SDK2: variants seen among roughly 807,000 people sequenced by gnomAD.
The protein encoded by SDK2 is sidekick cell adhesion molecule 2, also known as protein sidekick-2.
A neutral mutation model predicts 253.9 loss-of-function variants in SDK2; 105 were observed. The observed-to-expected ratio is 0.41, with a 90% CI of 0.35 to 0.49. The LOEUF (loss-of-function observed/expected upper bound fraction) is 0.49. Ranked by LOEUF, SDK2 falls within the 20% of genes least tolerant of loss-of-function variation. SDK2 has a pLI of 0.06. For synonymous variants in SDK2, 1,249 were observed against 1,234.9 expected (o/e 1.01, Z -0.24); for missense variants, 2,608 against 3,003.0 (o/e 0.87, Z 3.07).
At chr17:73,339,627 C>G (rs1440082827) in intron 44 of SDK2, among the ~76,000 whole-genome samples, 1 of 151,158 alleles carries the variant, frequency 6.6e-6, no homozygotes, top group Non-Finnish European at 1.5e-5. Context: ...GTGTGATCCT[C>G]TCTGTAGCCT....
In SDK2 at chr17:73,534,274, C is replaced by T. The variant is rs529740567; in HGVS notation, c.65-26677G>A. 1.8e-4 allele frequency among the ~76,000 whole-genome samples: 27 copies of T among 152,300 alleles called. No individual in the cohort carries two copies. The South Asian group carries it at 4.6e-3, about 26-fold the overall frequency. On this transcript the variant is annotated intron_variant, in intron 1 of 44. Coordinates refer to ENST00000392650, the MANE Select transcript of SDK2 (RefSeq NM_001144952.2). The surrounding 1 kb of genome is among the most constrained non-coding windows in gnomAD (Gnocchi z 4.9). ...GAGGATCAAAAAGCAGATGCAAGAGCGGGTCCGCTGCTGGGGGAAGGGGAG... is the reference window on the plus strand; with the variant it reads ...GAGGATCAAAAAGCAGATGCAAGAGTGGGTCCGCTGCTGGGGGAAGGGGAG...
At chr17:73,522,017 A>C (rs2145787492) in intron 1 of SDK2, among the ~76,000 whole-genome samples, 1 of 152,312 alleles carries the variant, frequency 6.6e-6, no homozygotes, top group East Asian at 1.9e-4. Context: ...TCACGGCCTC[A>C]CTTTACAGAG....
chr17:73,349,181 G>T (rs1249101688), intron 43 of SDK2, among the ~76,000 whole-genome samples: 2 of 152,162 alleles, frequency 1.3e-5, no homozygotes, highest in African/African-American at 4.8e-5. Flanking sequence ...CCAGCCTGGC[G>T]GGGCTGCTAT....
chr17:73,352,765 C>A lies in SDK2; in HGVS notation c.5594-128G>T, dbSNP rs1599475207. On this transcript the variant is annotated intron_variant, in intron 40 of 44. Coordinates refer to ENST00000392650, the MANE Select transcript of SDK2 (RefSeq NM_001144952.2). The surrounding 1 kb of genome is among the most constrained non-coding windows in gnomAD (Gnocchi z 4.1). ...ATCCTCCCTGCTCCACACTGAATCG[C>A]AGGCCTTGGTCCTCCCTTGAAGTTT... is the stretch of plus-strand genomic sequence containing the variant. 1 of 945,874 alleles carries A rather than the reference C, an allele frequency of 1.1e-6. No homozygotes were observed. Among genetic ancestry groups the A allele is most frequent in the East Asian group, 2.6e-5 (1 of 38,004 alleles). 58.6% of individuals were successfully genotyped at this position (945,874 alleles called of 1,614,324 possible). A position where few individuals can be genotyped will look rare whatever the true frequency, so the allele number is the denominator to read the frequency against.
Position 73,388,897 on chromosome 17 carries a change from C to CCTTT in SDK2, c.4193-861_4193-860insAAAG, listed in dbSNP as rs771455879. 1.0e-3 allele frequency among the ~76,000 whole-genome samples: 91 copies of CCTTT among 90,796 alleles called. 5 individuals carry two copies. In the East Asian group the frequency reaches 0.027, roughly 27 times the overall value. The allele number at this position is 90,796 out of a possible 152,430, so 59.6% of individuals were successfully genotyped here. ...TCCCTCCTTCTCTTCCTTCTCCCTC[C>CCTTT]CTCCCTCCCTCCCTCCCTTTTTCCC... On this transcript the variant is annotated intron_variant, in intron 29 of 44. Transcript: ENST00000392650.
At position 73,352,424 on chromosome 17, in the gene SDK2, C is replaced by T; in HGVS notation, c.5758+49G>A. On this transcript the variant is annotated intron_variant, in intron 41 of 44. Coordinates refer to ENST00000392650, the MANE Select transcript of SDK2 (RefSeq NM_001144952.2). This position sits in a 1 kb window ranked among gnomAD's most constrained non-coding sequence, Gnocchi z 4.1. ...TTCCGCCCTGCCCAGTGTCAGCCCC[C>T]AGGCTCTGCTGTGGGGCTCCCCCAC... 2 of 1,573,416 alleles carry T rather than the reference C, an allele frequency of 1.3e-6. No individual in the cohort carries two copies. Among genetic ancestry groups the T allele is most frequent in the Non-Finnish European group, 1.7e-6 (2 of 1,158,522 alleles).
At chr17:73,508,316 A>G (rs1334056597) in intron 1 of SDK2, among the ~76,000 whole-genome samples, 1 of 152,242 alleles carries the variant, frequency 6.6e-6, no homozygotes, top group Admixed American at 6.5e-5. Context: ...GGTTCTCTCG[A>G]CAGAGACCGT....
At chr17:73,380,269 T>C (rs542916443) in intron 34 of SDK2, among the ~76,000 whole-genome samples, 25 of 152,092 alleles carry the variant, frequency 1.6e-4, no homozygotes, top group Non-Finnish European at 3.2e-4. Flanking sequence ...GGGTTGGTCA[T>C]TGGTTGACGG....
chr17:73,436,576 C>CAAAAA (rs56089526), intron 8 of SDK2, among the ~76,000 whole-genome samples: 1 of 38,840 alleles, frequency 2.6e-5, no homozygotes. Context: ...GACTCAGTCT[C>CAAAAA]AAAAAAAAAA....
rs560655182 is a variant in SDK2, at chr17:73,444,686, C to T, written c.613+2929G>A. ...ACCATGTGACCCACCTGTGCCACCT[C>T]ATTTAGTCCTCCCAACTTTGCCATA... is the stretch of plus-strand genomic sequence containing the variant. On this transcript the variant is annotated intron_variant, in intron 5 of 44. Transcript: ENST00000392650. 8.5e-5 allele frequency among the ~76,000 whole-genome samples: 13 copies of T among 152,312 alleles called. No homozygotes were observed. In the South Asian group the frequency reaches 2.7e-3, roughly 32 times the overall value.
At chr17:73,386,676 G>A in intron 30 of SDK2, 128 bp from the exon 31 acceptor site, 1 of 662,260 alleles carries the variant, frequency 1.5e-6, no homozygotes, top group Non-Finnish European at 2.7e-6. Flanking sequence ...CTACTACACA[G>A]AAGGGCACAC....
chr17:73,577,656 C>T (rs1455785411), intron 1 of SDK2, among the ~76,000 whole-genome samples: 2 of 152,170 alleles, frequency 1.3e-5, no homozygotes, highest in African/African-American at 4.8e-5. Flanking sequence ...ACCATCTCTA[C>T]CTGGGCGTGA....
intron 1 of SDK2, among the ~76,000 whole-genome samples, chr17:73,509,578 C>A (rs2063961937): frequency 6.7e-6 from 1 of 149,910 alleles, no homozygotes; most frequent in South Asian, 2.1e-4. Context: ...TCGCTTGAGG[C>A]CAGGAGTTCA....
chr17:73,419,879 C>CA (rs869121884), intron 15 of SDK2, among the ~76,000 whole-genome samples: 4,177 of 122,742 alleles, frequency 0.034, 118 homozygotes, highest in African/African-American at 0.085. Context: ...GACCCTGTCT[C>CA]AAAAAAAAAA....
In SDK2 at chr17:73,368,562, A is replaced by G. The variant is rs1382272633; in HGVS notation, c.5012T>C (p.Leu1671Pro). ...GAAAAGCGTCTTCACTCGCTCTGTG[A>G]GGTTCCCCCGCTGGGCTTCCCAGAA... ...IYFWEAQRGN[L>P]TERVKTLFLA... Residue 1671 changes from leucine (L) to proline (P), a missense_variant, in exon 37 of 45, where the codon CTC becomes CCC. This residue lies in a region of SDK2 where 1,103 missense variants were observed against 1,143.9 expected (regional missense o/e 0.96). Coordinates refer to ENST00000392650, the MANE Select transcript of SDK2 (RefSeq NM_001144952.2). 6.2e-7 allele frequency: 1 copy of G among 1,600,930 alleles called. No individual in the cohort carries two copies. Among genetic ancestry groups the G allele is most frequent in the Non-Finnish European group, 8.5e-7 (1 of 1,174,416 alleles).
At chr17:73,582,209 A>G (rs567662421) in intron 1 of SDK2, among the ~76,000 whole-genome samples, 1 of 132,046 alleles carries the variant, frequency 7.6e-6, no homozygotes, top group South Asian at 2.3e-4. Context: ...CGCAGGCATC[A>G]GCATTTGGGG....
At position 73,383,832 on chromosome 17, in the gene SDK2, C is replaced by T. The variant is rs140290310; in HGVS notation, c.4705+44G>A. Reference sequence around the variant, plus strand: ...TCCAGAGCGGGAAGGTGAGGGTGACCGCCCCCATCCCACCCATTCCTCTGG... The same window carrying T: ...TCCAGAGCGGGAAGGTGAGGGTGACTGCCCCCATCCCACCCATTCCTCTGG... On this transcript the variant is annotated intron_variant, in intron 33 of 44. Coordinates refer to ENST00000392650, the MANE Select transcript of SDK2 (RefSeq NM_001144952.2). The surrounding 1 kb of genome is among the most constrained non-coding windows in gnomAD (Gnocchi z 4.3). 1,078 of 1,606,916 alleles carry T rather than the reference C, an allele frequency of 6.7e-4. 10 individuals are homozygous for T. The African/African-American group carries it at 0.013, about 19-fold the overall frequency.
Position 73,618,592 on chromosome 17 carries a change from G to A in SDK2, c.64+25433C>T, listed in dbSNP as rs374108011. Reference sequence around the variant, plus strand: ...CCATTTCTGCCCCATGAACAGGAAGGGTGTTTCCCTTTGGAATCTAGAGTC... The same window carrying A: ...CCATTTCTGCCCCATGAACAGGAAGAGTGTTTCCCTTTGGAATCTAGAGTC... On this transcript the variant is annotated intron_variant, in intron 1 of 44. Transcript: ENST00000392650. The surrounding 1 kb of genome is among the most constrained non-coding windows in gnomAD (Gnocchi z 4.1). 1.3e-5 allele frequency among the ~76,000 whole-genome samples: 2 copies of A among 152,172 alleles called. No individual in the cohort carries two copies. Among genetic ancestry groups the A allele is most frequent in the Non-Finnish European group, 2.9e-5 (2 of 68,036 alleles).
Position 73,644,077 on chromosome 17 carries a change from A to T in SDK2, c.12T>A (p.Leu4=). The change falls in exon 1 of 45, where the codon CTT becomes CTA. Residue 4 remains leucine (L), a synonymous_variant. Coordinates refer to ENST00000392650, the MANE Select transcript of SDK2 (RefSeq NM_001144952.2). This position sits in a 1 kb window ranked among gnomAD's most constrained non-coding sequence, Gnocchi z 6.3. ...GCAGAGCTAGCAGTGTCCAGATCAA[A>T]AGCCCCCACATGGTGACCAGCCTGG... MWG[L]LIWTLLALHQ... 6.4e-7 allele frequency: 1 copy of T among 1,551,032 alleles called. No homozygotes were observed. The highest frequency in any genetic ancestry group is 8.7e-7 in the Non-Finnish European group (1 of 1,146,720).
Sources: gnomAD v4.1 joint callset for allele counts (sites outside exome capture counted in the v4.1 genomes callset) on GRCh38, gnomAD v4.1.1 for gene constraint, gnomAD v4.1.1 regional missense constraint, Gnocchi (gnomAD v3.1) non-coding constraint, MANE v1.5 for transcripts, NCBI Gene and HGNC (gene_info 2026-07-23, HGNC 2026-07-21) for gene names.